CCT5: variants seen among roughly 807,000 people sequenced by gnomAD.
The protein encoded by CCT5 is T-complex protein 1 subunit epsilon.
In CCT5, 6 loss-of-function variants were observed where a neutral mutation model predicts 55.0. That is an observed-to-expected ratio of 0.11 (90% CI 0.06 to 0.22). The LOEUF is 0.22. Ranked by LOEUF, CCT5 falls within the 10% of genes least tolerant of loss-of-function variation. CCT5 has a pLI of 1.00. For synonymous variants in CCT5, 231 were observed against 243.7 expected, an observed-to-expected ratio of 0.95 and a Z score of 0.49; for missense variants, 560 against 694.6, an observed-to-expected ratio of 0.81 and a Z score of 2.18.
rs142138102 is a variant in CCT5, at chr5:10,250,649, G to A, written c.105+204G>A. On this transcript the variant is annotated intron_variant, in intron 1 of 10. Transcript: ENST00000280326. The stretch of plus-strand genomic sequence containing the variant: ...CCTAATCCTGGGCTCGGAATGTGGG[G>A]GCCAGCCAGGCTGGGCCGCCAGCGC... 1.4e-3 allele frequency: 1,920 copies of A among 1,418,640 alleles called. 6 individuals are homozygous for A. The highest frequency in any genetic ancestry group is 0.011 in the Admixed American group (369 of 34,290). The allele number at this position is 1,418,640 out of a possible 1,614,324, so 87.9% of individuals were successfully genotyped here.
intron 1 of CCT5, 31 bp downstream of exon 1, chr5:10,250,476 C>T: frequency 6.2e-7 from 1 of 1,610,732 alleles, no homozygotes; most frequent in Non-Finnish European, 8.5e-7. Context: ...TCGCGGTGGG[C>T]TAAGGGGAGG....
chr5:10,262,118 T>C, intron 8 of CCT5: 1 of 392,882 alleles, frequency 2.5e-6, no homozygotes, highest in East Asian at 6.2e-5. Flanking sequence ...TATGGTATTA[T>C]TACCAAGGAT....
upstream of CCT5, chr5:10,250,135 G>A (rs1346211776): frequency 4.6e-6 from 7 of 1,534,964 alleles, no homozygotes; most frequent in Non-Finnish European, 6.1e-6. Context: ...CCCCCTCCCC[G>A]GCTTCCTGGA....
chr5:10,264,200 G>A (rs931360179), intron 10 of CCT5, among the ~76,000 whole-genome samples: 12 of 152,126 alleles, frequency 7.9e-5, no homozygotes, highest in Admixed American at 2.6e-4. Context: ...GCTTGAACCC[G>A]GGACGCAGAG....
chr5:10,252,829 C>G (rs1460578766), intron 1 of CCT5, among the ~76,000 whole-genome samples: 3 of 152,038 alleles, frequency 2.0e-5, no homozygotes, highest in Non-Finnish European at 2.9e-5. Context: ...TCCACGTTGC[C>G]GAGCAGTAGG....
chr5:10,256,057 T>C lies in CCT5; in HGVS notation c.434T>C (p.Ile145Thr), dbSNP rs747407479. The C allele has an allele frequency of 6.2e-7, 1 of 1,614,166 alleles. No homozygotes were observed. The highest frequency in any genetic ancestry group is 8.5e-7 in the Non-Finnish European group (1 of 1,179,998). ...TATGAGCAGGCTGCTCGTGTTGCTA[T>C]TGAACACCTGGACAAGATCAGCGAT... The part of the protein sequence containing the change: ...DGYEQAARVA[I>T]EHLDKISDSV... Residue 145 changes from isoleucine to threonine, a missense_variant, in exon 4 of 11, where the codon ATT becomes ACT. By Grantham distance (89) the Ile-to-Thr change is moderately conservative (BLOSUM62 -1). Coordinates refer to ENST00000280326, the MANE Select transcript of CCT5 (RefSeq NM_012073.5).
intron 1 of CCT5, chr5:10,250,716 G>A (rs1745347587): frequency 7.7e-7 from 1 of 1,297,960 alleles, no homozygotes; most frequent in South Asian, 1.9e-5. Flanking sequence ...GTCGCCCGCG[G>A]GAGCAAAGCG....
chr5:10,250,248 C>T, upstream of CCT5: 1 of 1,593,356 alleles, frequency 6.3e-7, no homozygotes, highest in Non-Finnish European at 8.6e-7. Context: ...TGCGCGTGCG[C>T]AAGCTTTTGG....
rs1387153704 is a variant in CCT5 at position 10,256,196 on chromosome 5, G to A, written c.530+43G>A. 5 of 1,549,712 alleles carry A rather than the reference G, an allele frequency of 3.2e-6. No individual in the cohort carries two copies. In the South Asian group the frequency reaches 3.4e-5, roughly 11 times the overall value. On this transcript the variant is annotated intron_variant, in intron 4 of 10. Coordinates refer to ENST00000280326, the MANE Select transcript of CCT5 (RefSeq NM_012073.5). ...ATATGATTACCCATTTGTAGAGGAG[G>A]CAGTTTGTTTGCCATTTCTTAAAGG...
chr5:10,265,844 G>A lies in CCT5; in HGVS notation c.*1061G>A, dbSNP rs536081149. On this transcript the variant is annotated 3_prime_UTR_variant, in exon 11 of 11. Coordinates refer to ENST00000280326, the MANE Select transcript of CCT5 (RefSeq NM_012073.5). Reference sequence around the variant, plus strand: ...TGTTTCTTAGCATTGTGATGATAAAGCTCATGATGAACTTTATCACTAGTT... The same window carrying A: ...TGTTTCTTAGCATTGTGATGATAAAACTCATGATGAACTTTATCACTAGTT... The A allele has an allele frequency of 6.6e-6, 1 of 152,224 alleles. No individual in the cohort carries two copies. Among genetic ancestry groups the A allele is most frequent in the South Asian group, 2.1e-4 (1 of 4,824 alleles). The allele number at this position is 152,224 out of a possible 1,614,324, so 9.4% of individuals were successfully genotyped here. A position where few individuals can be genotyped will look rare whatever the true frequency, so the allele number is the denominator to read the frequency against.
intron 6 of CCT5, among the ~76,000 whole-genome samples, chr5:10,260,013 G>A (rs1457292799): frequency 6.6e-6 from 1 of 152,214 alleles, no homozygotes; most frequent in Admixed American, 6.5e-5. Flanking sequence ...TCTGAGGAGG[G>A]TTGCAGGGGC....
chr5:10,259,215 A>G (rs1745832655), intron 6 of CCT5, among the ~76,000 whole-genome samples: 2 of 152,212 alleles, frequency 1.3e-5, no homozygotes, highest in African/African-American at 4.8e-5. Context: ...AGTTAAGTCT[A>G]GTTTGGGTTC....
intron 1 of CCT5, chr5:10,250,785 G>A: frequency 2.5e-6 from 3 of 1,185,776 alleles, no homozygotes; most frequent in East Asian, 1.0e-4. Flanking sequence ...GCGCTCCAGT[G>A]GGAGGGCGCC....
chr5:10,258,901 G>T (rs973655743), intron 6 of CCT5, among the ~76,000 whole-genome samples: 3 of 152,160 alleles, frequency 2.0e-5, no homozygotes, highest in African/African-American at 7.2e-5. Flanking sequence ...GCTGAGACAG[G>T]AGAATCGCTT....
At chr5:10,256,274 T>G in intron 4 of CCT5, 121 bp downstream of exon 4, 1 of 889,704 alleles carries the variant, frequency 1.1e-6, no homozygotes, top group South Asian at 1.4e-5. Flanking sequence ...TTTGTTTTGA[T>G]TACTTGGTTT....
intron 3 of CCT5, chr5:10,255,117 C>T (rs1221525094): frequency 1.4e-5 from 6 of 436,756 alleles, no homozygotes; most frequent in Non-Finnish European, 2.1e-5. Context: ...GTTTGGGAAA[C>T]GTGGAAGAAT....
At chr5:10,256,382 C>T (rs927535378) in intron 4 of CCT5, among the ~76,000 whole-genome samples, 2 of 152,152 alleles carry the variant, frequency 1.3e-5, no homozygotes, top group African/African-American at 4.8e-5. Context: ...ACAATATTTG[C>T]AAAATATAGT....
At position 10,263,300 on chromosome 5, in the gene CCT5, A is replaced by T. The variant is rs778301575; in HGVS notation, c.1484A>T (p.His495Leu). 9 of 1,599,824 alleles carry T rather than the reference A, an allele frequency of 5.6e-6. No individual in the cohort carries two copies. The highest frequency in any genetic ancestry group is 2.8e-5 in the African/African-American group (2 of 71,830). Residue 495 changes from histidine to leucine, a missense_variant, in exon 10 of 11, where the codon CAC (histidine) becomes CTC (leucine). His to Leu is a moderately conservative substitution (Grantham distance 99). Coordinates refer to ENST00000280326, the MANE Select transcript of CCT5 (RefSeq NM_012073.5). ...CCTGCTCTTGGCATCGACTGTTTGC[A>T]CAAGGGGACAAATGGTGAGGAGCTG... is the stretch of plus-strand genomic sequence containing the variant. Reference protein sequence around the residue: ...MNPALGIDCLHKGTNDMKQQH... With the variant: ...MNPALGIDCLLKGTNDMKQQH...
intron 3 of CCT5, 59 bp from the exon 4 acceptor site, chr5:10,255,896 A>T (rs563342886): frequency 4.8e-6 from 7 of 1,454,198 alleles, no homozygotes; most frequent in East Asian, 2.3e-5. Flanking sequence ...TGTGCTGATT[A>T]TACTAAAAGT....
Sources: gnomAD v4.1 joint callset for allele counts (sites outside exome capture counted in the v4.1 genomes callset) on GRCh38, gnomAD v4.1.1 for gene constraint, MANE v1.5 for transcripts, NCBI Gene and HGNC (gene_info 2026-07-23, HGNC 2026-07-21) for gene names.